The following CCDC178 variants were observed in gnomAD, a reference collection of about 807,000 sequenced individuals.
The protein encoded by CCDC178 is coiled-coil domain containing 178.
A neutral mutation model predicts 117.4 loss-of-function variants in CCDC178; 126 were observed. The ratio of observed to expected loss-of-function variants is 1.07; its 90% CI spans 0.93 to 1.24. The LOEUF is 1.24. CCDC178 is among the 50% of genes most tolerant of loss of function. The probability of loss-of-function intolerance (pLI) is 0.00; values close to 1 mark genes in which losing one functional copy is unlikely to be tolerated. For synonymous variants in CCDC178, 283 were observed against 313.4 expected (o/e 0.90, Z 1.02); for missense variants, 1,030 against 986.9 (o/e 1.04, Z -0.59).
At chr18:32,975,005 G>A (rs149282690) in intron 21 of CCDC178, among the ~76,000 whole-genome samples, 2 of 152,160 alleles carry the variant, frequency 1.3e-5, no homozygotes, top group African/African-American at 4.8e-5. Flanking sequence ...ACTCAAAACC[G>A]ATAGCCTTGG....
At chr18:33,020,769 T>C (rs1346459261) in intron 21 of CCDC178, among the ~76,000 whole-genome samples, 1 of 152,044 alleles carries the variant, frequency 6.6e-6, no homozygotes, top group Non-Finnish European at 1.5e-5. Context: ...ACAACCTTTT[T>C]TTTTTCTGAT....
chr18:33,212,900 C>CAT (rs1180085009), intron 19 of CCDC178, among the ~76,000 whole-genome samples: 4 of 152,070 alleles, frequency 2.6e-5, no homozygotes, highest in African/African-American at 9.6e-5. Context: ...AGCAGCAACT[C>CAT]AGTGTCCAGA....
At chr18:33,257,157 A>C (rs1259545298) in intron 14 of CCDC178, among the ~76,000 whole-genome samples, 4 of 152,008 alleles carry the variant, frequency 2.6e-5, no homozygotes, top group Non-Finnish European at 2.9e-5. Flanking sequence ...TCCAGTGACT[A>C]TTTGAGCTGA....
rs188924270 is a variant in CCDC178 at position 33,176,038 on chromosome 18, T to C, written c.2238+35858A>G. 2.0e-5 allele frequency among the ~76,000 whole-genome samples: 3 copies of C among 152,104 alleles called. No individual in the cohort carries two copies. The East Asian group carries it at 5.8e-4, about 29-fold the overall frequency. On this transcript the variant is annotated intron_variant, in intron 20 of 22. Coordinates refer to ENST00000383096, the MANE Select transcript of CCDC178 (RefSeq NM_001105528.4). ...GTTAAGGGAGAGGTAGGCAGGTGTG[T>C]TCTCTTGTCTTTTATTTCCCCTTCC...
chr18:33,380,203 G>C (rs1190717291), intron 5 of CCDC178, among the ~76,000 whole-genome samples: 1 of 152,164 alleles, frequency 6.6e-6, no homozygotes, highest in Non-Finnish European at 1.5e-5. Context: ...GGAGAAGCTG[G>C]ACTGTGGTAG....
At chr18:33,384,414 G>T (rs1472643035) in intron 5 of CCDC178, among the ~76,000 whole-genome samples, 2 of 152,106 alleles carry the variant, frequency 1.3e-5, no homozygotes, top group Non-Finnish European at 2.9e-5. Flanking sequence ...ATAATCATCA[G>T]ATTCTCCAAG....
intron 21 of CCDC178, among the ~76,000 whole-genome samples, chr18:33,060,200 C>T (rs1403067635): frequency 6.6e-6 from 1 of 152,098 alleles, no homozygotes; most frequent in Non-Finnish European, 1.5e-5. Context: ...AAAGCCATTA[C>T]AGCATCATTG....
At chr18:33,107,661 CTTAG>C (rs1402510712) in intron 20 of CCDC178, among the ~76,000 whole-genome samples, 3 of 151,464 alleles carry the variant, frequency 2.0e-5, no homozygotes, top group Admixed American at 6.6e-5. Flanking sequence ...TTTTTCTTTT[CTTAG>C]TTATTTTTCA....
intron 21 of CCDC178, among the ~76,000 whole-genome samples, chr18:33,020,574 A>G (rs1289658386): frequency 6.6e-6 from 1 of 152,198 alleles, no homozygotes; most frequent in Admixed American, 6.5e-5. Flanking sequence ...GTAGTTGTGA[A>G]TGTATGTGGT....
At chr18:33,080,099 A>C (rs1455963200) in intron 21 of CCDC178, among the ~76,000 whole-genome samples, 1 of 152,222 alleles carries the variant, frequency 6.6e-6, no homozygotes, top group East Asian at 1.9e-4. Context: ...GCAGCCATAA[A>C]AAGAATGAGA....
intron 21 of CCDC178, among the ~76,000 whole-genome samples, chr18:33,051,514 A>G (rs1172665902): frequency 6.6e-6 from 1 of 152,204 alleles, no homozygotes; most frequent in Non-Finnish European, 1.5e-5. Context: ...CCTTCAAATA[A>G]ATGTTTTCTA....
At chr18:33,015,583 A>AAACAAC (rs149187577) in intron 21 of CCDC178, among the ~76,000 whole-genome samples, 1 of 151,618 alleles carries the variant, frequency 6.6e-6, no homozygotes, top group African/African-American at 2.4e-5. Context: ...CAACAACAAC[A>AAACAAC]AACAACAACA....
intron 12 of CCDC178, among the ~76,000 whole-genome samples, chr18:33,280,313 A>C (rs1237428537): frequency 2.6e-5 from 4 of 152,160 alleles, no homozygotes; most frequent in African/African-American, 9.7e-5. Flanking sequence ...GACACTTCTC[A>C]AAAGAAGACA....
chr18:33,260,936 G>A (rs1489333849), intron 14 of CCDC178, among the ~76,000 whole-genome samples: 1 of 152,002 alleles, frequency 6.6e-6, no homozygotes, highest in East Asian at 1.9e-4. Context: ...CCTAACATGA[G>A]TAACGAGTCA....
chr18:33,072,350 A>G (rs538545989), intron 21 of CCDC178, among the ~76,000 whole-genome samples: 46 of 152,336 alleles, frequency 3.0e-4, no homozygotes, highest in African/African-American at 1.1e-3. Flanking sequence ...GAGAGTCCCC[A>G]TAAGAAAAAC....
chr18:33,086,463 GAA>G (rs1294221167), intron 21 of CCDC178, among the ~76,000 whole-genome samples: 2 of 149,490 alleles, frequency 1.3e-5, no homozygotes, highest in Admixed American at 6.7e-5. Flanking sequence ...TATATAGCGA[GAA>G]AGAGAGAGAG....
intron 2 of CCDC178, among the ~76,000 whole-genome samples, chr18:33,426,191 G>A (rs1172624245): frequency 2.0e-5 from 3 of 152,330 alleles, no homozygotes; most frequent in East Asian, 3.9e-4. Context: ...TTACAGGCGT[G>A]AGCCACTGCG....
At chr18:33,098,383 T>C (rs112123017) in intron 20 of CCDC178, among the ~76,000 whole-genome samples, 6 of 152,120 alleles carry the variant, frequency 3.9e-5, no homozygotes, top group African/African-American at 1.4e-4. Flanking sequence ...TTTCTTTCAA[T>C]TATGTATTGT....
chr18:33,127,003 T>C (rs942800506), intron 20 of CCDC178, among the ~76,000 whole-genome samples: 1 of 143,674 alleles, frequency 7.0e-6, no homozygotes, highest in African/African-American at 2.7e-5. Context: ...AAAAAATATA[T>C]ATATATATAT....
Sources: allele counts gnomAD v4.1 joint callset (sites outside exome capture counted in the v4.1 genomes callset), GRCh38; gene constraint gnomAD v4.1.1; transcripts MANE v1.5; gene names NCBI Gene and HGNC (gene_info 2026-07-23, HGNC 2026-07-21).